ENTREP2: variants seen among roughly 807,000 people sequenced by gnomAD.
ENTREP2 encodes protein ENTREP2.
the ENTREP2 span, among the ~76,000 whole-genome samples, chr15:29,550,308 TA>T: frequency 6.6e-6 from 1 of 152,188 alleles, no homozygotes; most frequent in Non-Finnish European, 1.5e-5. Flanking sequence ...AAGTGCATAT[TA>T]AAACAGAGTT....
the ENTREP2 span, among the ~76,000 whole-genome samples, chr15:29,283,996 A>T: frequency 6.6e-6 from 1 of 152,170 alleles, no homozygotes; most frequent in Non-Finnish European, 1.5e-5. Flanking sequence ...AAGTTAATGA[A>T]CTAAGAATCA....
the ENTREP2 span, chr15:29,269,313 GGC>G: frequency 3.1e-6 from 5 of 1,614,178 alleles, no homozygotes; most frequent in Non-Finnish European, 3.4e-6. Context: ...GGAGGCGCTC[GGC>G]GGCCCGTTTG....
the ENTREP2 span, among the ~76,000 whole-genome samples, chr15:29,568,353 T>TA: frequency 6.6e-6 from 1 of 152,056 alleles, no homozygotes; most frequent in Admixed American, 6.5e-5. Context: ...TGTCCATACA[T>TA]AGGAGAACTG....
At chr15:29,492,693 G>A in the ENTREP2 span, among the ~76,000 whole-genome samples, 17 of 152,144 alleles carry the variant, frequency 1.1e-4, no homozygotes, top group African/African-American at 4.1e-4. Context: ...ACTGCCTATT[G>A]TTAAAATAAT....
the ENTREP2 span, among the ~76,000 whole-genome samples, chr15:29,473,282 C>A: frequency 6.6e-6 from 1 of 151,834 alleles, no homozygotes; most frequent in Non-Finnish European, 1.5e-5. Flanking sequence ...GGTAACCTGT[C>A]CCTGGGCAGC....
the ENTREP2 span, chr15:29,269,767 G>A: frequency 2.9e-6 from 4 of 1,390,096 alleles, no homozygotes; most frequent in Non-Finnish European, 3.7e-6. Flanking sequence ...GGGGATTGCG[G>A]GTCGGCGACC....
the ENTREP2 span, among the ~76,000 whole-genome samples, chr15:29,246,973 G>GCACACACACACA: frequency 7.3e-4 from 100 of 137,092 alleles, 1 homozygote; most frequent in East Asian, 5.3e-3. Flanking sequence ...GACTGGAAAG[G>GCACACACACACA]CACACACACA....
At chr15:29,607,825 T>TAGATAGATAGATAGATAGATAGATAGAC in the ENTREP2 span, among the ~76,000 whole-genome samples, 2 of 84,910 alleles carry the variant, frequency 2.4e-5, no homozygotes, top group African/African-American at 1.4e-4. Flanking sequence ...GATAGATAGA[T>TAGATAGATAGATAGATAGATAGATAGAC]AGACAGACAG....
chr15:29,272,118 G>A, the ENTREP2 span, among the ~76,000 whole-genome samples: 2 of 151,886 alleles, frequency 1.3e-5, no homozygotes, highest in African/African-American at 4.8e-5. Flanking sequence ...CAGTTTTTAA[G>A]TCTCAAAACA....
At chr15:29,210,551 CT>C in the ENTREP2 span, among the ~76,000 whole-genome samples, 1 of 152,202 alleles carries the variant, frequency 6.6e-6, no homozygotes, top group Non-Finnish European at 1.5e-5. Context: ...TGCAAGGGAT[CT>C]AGGTTGCACG....
chr15:29,464,453 G>A, the ENTREP2 span, among the ~76,000 whole-genome samples: 10 of 152,066 alleles, frequency 6.6e-5, no homozygotes, highest in Admixed American at 3.9e-4. Flanking sequence ...GGAGAGTGGC[G>A]GAGATGAAGA....
chr15:29,233,147 T>A, the ENTREP2 span, among the ~76,000 whole-genome samples: 2 of 152,206 alleles, frequency 1.3e-5, no homozygotes, highest in Non-Finnish European at 2.9e-5. Context: ...ACTCTATAAC[T>A]TTCCCACATT....
chr15:29,666,748 C>T, the ENTREP2 span, among the ~76,000 whole-genome samples: 2 of 152,200 alleles, frequency 1.3e-5, no homozygotes, highest in Non-Finnish European at 2.9e-5. Context: ...GAGTGGCCTT[C>T]CTTGACACTG....
chr15:29,606,060 T>C, the ENTREP2 span, among the ~76,000 whole-genome samples: 1 of 152,120 alleles, frequency 6.6e-6, no homozygotes, highest in Non-Finnish European at 1.5e-5. Context: ...CACCCAAATT[T>C]GCTCCCCTAG....
At chr15:29,446,907 C>G in the ENTREP2 span, among the ~76,000 whole-genome samples, 1 of 152,204 alleles carries the variant, frequency 6.6e-6, no homozygotes, top group Non-Finnish European at 1.5e-5. Context: ...TGATTCTCCT[C>G]TTCTGCCTCC....
chr15:29,638,493 A>C, the ENTREP2 span, among the ~76,000 whole-genome samples: 1 of 152,266 alleles, frequency 6.6e-6, no homozygotes, highest in Non-Finnish European at 1.5e-5. Flanking sequence ...GTTTAAGAAC[A>C]TAATGAAGCT....
At chr15:29,339,971 C>T in the ENTREP2 span, among the ~76,000 whole-genome samples, 3 of 152,164 alleles carry the variant, frequency 2.0e-5, no homozygotes, top group Admixed American at 1.3e-4. Context: ...TTCATTTTAT[C>T]GTATTCTGAT....
At chr15:29,324,934 T>C in the ENTREP2 span, among the ~76,000 whole-genome samples, 1 of 152,156 alleles carries the variant, frequency 6.6e-6, no homozygotes, top group African/African-American at 2.4e-5. Context: ...ACTGACCACA[T>C]TCTTGGCCAG....
At chr15:29,243,190 G>A in the ENTREP2 span, among the ~76,000 whole-genome samples, 1 of 152,132 alleles carries the variant, frequency 6.6e-6, no homozygotes, top group African/African-American at 2.4e-5. Context: ...AACAAGCTGG[G>A]AATCCATGTT....
Sources: gnomAD v4.1 joint callset for allele counts (sites outside exome capture counted in the v4.1 genomes callset) on GRCh38, gnomAD v4.1.1 for gene constraint, MANE v1.5 for transcripts, NCBI Gene and HGNC (gene_info 2026-07-23, HGNC 2026-07-21) for gene names.